UNC5B: variants seen among roughly 807,000 people sequenced by gnomAD.
The protein encoded by UNC5B is netrin receptor UNC5B.
In UNC5B, 56 loss-of-function variants were observed where a neutral mutation model predicts 103.7. That is an observed-to-expected ratio of 0.54 (90% CI 0.44 to 0.67). The LOEUF is 0.67. Ranked by LOEUF, UNC5B falls within the 30% of genes least tolerant of loss-of-function variation. UNC5B has a pLI of 0.00. For missense variants in UNC5B, 1,194 were observed against 1,284.5 expected (o/e 0.93, Z 1.08); for synonymous variants, 577 against 542.0 (o/e 1.06, Z -0.90).
intron 6 of UNC5B, 79 bp from the exon 7 acceptor site, chr10:71,288,489 C>A: frequency 1.3e-6 from 2 of 1,531,912 alleles, no homozygotes; most frequent in South Asian, 2.5e-5. Context: ...TGTGTTGGCA[C>A]ATTGCTCTGT....
rs1348914729 is a variant in UNC5B at position 71,300,132 on chromosome 10, T to C, written c.*855T>C. ...TACTTTGCTGCTAACGAATCCATCT[T>C]GGACTAAATTCTGACAAGGCCTCAG... On this transcript the variant is annotated 3_prime_UTR_variant, in exon 17 of 17. Coordinates refer to ENST00000335350, the MANE Select transcript of UNC5B (RefSeq NM_170744.5). 6.6e-6 allele frequency: 1 copy of C among 152,048 alleles called. No homozygotes were observed. The highest frequency in any genetic ancestry group is 1.9e-4 in the East Asian group (1 of 5,188). 9.4% of individuals were successfully genotyped at this position (152,048 alleles called of 1,614,324 possible). A position where few individuals can be genotyped will look rare whatever the true frequency, so the allele number is the denominator to read the frequency against.
chr10:71,228,388 A>G (rs1158937145), intron 1 of UNC5B, among the ~76,000 whole-genome samples: 1 of 141,686 alleles, frequency 7.1e-6, no homozygotes, highest in African/African-American at 2.5e-5. Flanking sequence ...TTTCGACAAA[A>G]AAAAAAATCA....
chr10:71,287,791 C>G, intron 6 of UNC5B, 26 bp downstream of exon 6: 1 of 1,602,952 alleles, frequency 6.2e-7, no homozygotes, highest in South Asian at 1.1e-5. Flanking sequence ...CATGTCCAGC[C>G]CCACCCCGAA....
chr10:71,253,175 C>G (rs934171907), intron 1 of UNC5B, among the ~76,000 whole-genome samples: 1 of 129,840 alleles, frequency 7.7e-6, no homozygotes, highest in African/African-American at 2.8e-5. Flanking sequence ...TTCCTTGCTG[C>G]AGACTCCAAC....
chr10:71,220,941 T>C (rs1756692733), intron 1 of UNC5B, among the ~76,000 whole-genome samples: 1 of 152,218 alleles, frequency 6.6e-6, no homozygotes, highest in Non-Finnish European at 1.5e-5. Context: ...TTGGTTTCCC[T>C]TCCCATCTGT....
Position 71,291,503 on chromosome 10 carries a change from G to A in UNC5B, c.1366G>A (p.Val456Met), listed in dbSNP as rs536140852. The change falls in exon 10 of 17, where the codon GTG becomes ATG. Residue 456 changes from valine (V) to methionine (M), a missense_variant. Val to Met is a conservative substitution (Grantham distance 21). Transcript: ENST00000335350. ...TASAGIYRGP[V>M]YALQDSTDKI... ...CAGCGCCGGCATCTACCGCGGACCCGTGTATGCCCTGCAGGACTCCACCGA... is the reference window on the plus strand; with the variant it reads ...CAGCGCCGGCATCTACCGCGGACCCATGTATGCCCTGCAGGACTCCACCGA... 38 of 1,614,060 alleles carry A rather than the reference G, an allele frequency of 2.4e-5. No homozygotes were observed. The highest frequency in any genetic ancestry group is 6.7e-5 in the East Asian group (3 of 44,874).
rs745537665 is a variant in UNC5B, at chr10:71,293,858, C to T, written c.2100C>T (p.Phe700=). Residue 700 remains phenylalanine, a synonymous_variant, in exon 13 of 17, where the codon TTC becomes TTT. Coordinates refer to ENST00000335350, the MANE Select transcript of UNC5B (RefSeq NM_170744.5). ...SAVKRLQLAV[F]APALCTSLEY... ...TCAAGCGGCTCCAGCTGGCCGTCTT[C>T]GCCCCCGCCCTCTGCACCTCCCTGG... The T allele has an allele frequency of 5.6e-6, 9 of 1,609,264 alleles. No individual in the cohort carries two copies. The highest frequency in any genetic ancestry group is 5.5e-5 in the South Asian group (5 of 90,920).
At chr10:71,226,765 G>A (rs1746255833) in intron 1 of UNC5B, among the ~76,000 whole-genome samples, 1 of 152,156 alleles carries the variant, frequency 6.6e-6, no homozygotes, top group Non-Finnish European at 1.5e-5. Flanking sequence ...TTAATATCAT[G>A]TTCCATATTA....
rs1343236506 is a variant in UNC5B at position 71,300,815 on chromosome 10, T to C, written c.*1538T>C. ...TGGAGAAGGAGGCTGAGAAGCTGGTTTCCCAGCTCTGATCTCCACAGGCAC... is the reference window on the plus strand; with the variant it reads ...TGGAGAAGGAGGCTGAGAAGCTGGTCTCCCAGCTCTGATCTCCACAGGCAC... On this transcript the variant is annotated 3_prime_UTR_variant, in exon 17 of 17. Coordinates refer to ENST00000335350, the MANE Select transcript of UNC5B (RefSeq NM_170744.5). 1.3e-5 allele frequency: 2 copies of C among 152,278 alleles called. No individual in the cohort carries two copies. The highest frequency in any genetic ancestry group is 4.8e-5 in the African/African-American group (2 of 41,526). 9.4% of individuals were successfully genotyped at this position (152,278 alleles called of 1,614,324 possible). A position where few individuals can be genotyped will look rare whatever the true frequency, so the allele number is the denominator to read the frequency against.
rs189669577 is a variant in UNC5B, at chr10:71,216,609, A to G, written c.79+3545A>G. 5.4e-3 allele frequency among the ~76,000 whole-genome samples: 819 copies of G among 152,244 alleles called. 9 individuals are homozygous for G. Among genetic ancestry groups the G allele is most frequent in the African/African-American group, 0.018 (755 of 41,550 alleles). On this transcript the variant is annotated intron_variant, in intron 1 of 16. Coordinates refer to ENST00000335350, the MANE Select transcript of UNC5B (RefSeq NM_170744.5). The stretch of plus-strand genomic sequence containing the variant: ...CCATTTGTAGAGTTGGGGACAGAAT[A>G]TGTTTTTACTTTTTACTTATATTCA...
In UNC5B at chr10:71,213,728, AGTGTGTGTGTGT is replaced by A. The variant is rs58235566; in HGVS notation, c.79+687_79+698del. 7.6e-6 allele frequency among the ~76,000 whole-genome samples: 1 copy of A among 131,474 alleles called. No individual in the cohort carries two copies. Among genetic ancestry groups the A allele is most frequent in the Non-Finnish European group, 1.6e-5 (1 of 62,684 alleles). The allele number at this position is 131,474 out of a possible 152,430, so 86.3% of individuals were successfully genotyped here. On this transcript the variant is annotated intron_variant, in intron 1 of 16. Coordinates refer to ENST00000335350, the MANE Select transcript of UNC5B (RefSeq NM_170744.5). This position sits in a 1 kb window ranked among gnomAD's most constrained non-coding sequence, Gnocchi z 4.1. Reference sequence around the variant, plus strand: ...ATTATTAATTTTCTGAGTGTTGGAGAGTGTGTGTGTGTGTGTGTGTGTGTGTGTGTGTGTTGG... The same window carrying A: ...ATTATTAATTTTCTGAGTGTTGGAGAGTGTGTGTGTGTGTGTGTGTGTTGG...
intron 1 of UNC5B, among the ~76,000 whole-genome samples, chr10:71,261,808 T>C (rs1844421413): frequency 6.6e-6 from 1 of 152,106 alleles, no homozygotes; most frequent in Non-Finnish European, 1.5e-5. Context: ...GTTAGTAAAA[T>C]AGGGGTAATG....
chr10:71,220,751 G>A (rs1314289145), intron 1 of UNC5B, among the ~76,000 whole-genome samples: 1 of 152,208 alleles, frequency 6.6e-6, no homozygotes, highest in Admixed American at 6.5e-5. Context: ...TTGGCATGCA[G>A]CCTGCCCCGG....
intron 1 of UNC5B, among the ~76,000 whole-genome samples, chr10:71,223,014 T>G (rs1182003388): frequency 1.3e-5 from 2 of 152,112 alleles, no homozygotes; most frequent in African/African-American, 4.8e-5. Flanking sequence ...CAGAGCAGAG[T>G]GACATTCGGA....
At chr10:71,289,107 C>G (rs528739090) in intron 8 of UNC5B, 117 bp downstream of exon 8, 1 of 1,375,342 alleles carries the variant, frequency 7.3e-7, no homozygotes, top group Admixed American at 1.9e-5. Context: ...TACCCACCCC[C>G]CACGGGATCA....
At chr10:71,286,957 G>C in intron 5 of UNC5B, 88 bp downstream of exon 5, 3 of 1,520,242 alleles carry the variant, frequency 2.0e-6, no homozygotes, top group Non-Finnish European at 2.7e-6. Context: ...GGATTGGTAG[G>C]GAGGATGCAG....
intron 1 of UNC5B, among the ~76,000 whole-genome samples, chr10:71,263,508 G>T (rs759232913): frequency 6.6e-6 from 1 of 152,146 alleles, no homozygotes; most frequent in Non-Finnish European, 1.5e-5. Flanking sequence ...AGAGCCACCC[G>T]GAAGCAGACA....
chr10:71,287,541 G>C (rs1333370364), intron 5 of UNC5B, 57 bp from the exon 6 acceptor site: 1 of 1,529,794 alleles, frequency 6.5e-7, no homozygotes. Flanking sequence ...GACGGGTTTG[G>C]GGGAGGGCAG....
At chr10:71,241,645 G>A (rs1009579291) in intron 1 of UNC5B, among the ~76,000 whole-genome samples, 17 of 151,978 alleles carry the variant, frequency 1.1e-4, no homozygotes, top group African/African-American at 2.9e-4. Flanking sequence ...CTGGCACCAC[G>A]ACAGAAGGCC....
Sources: allele counts gnomAD v4.1 joint callset (sites outside exome capture counted in the v4.1 genomes callset), GRCh38; gene constraint gnomAD v4.1.1; non-coding constraint Gnocchi (gnomAD v3.1); transcripts MANE v1.5; gene names NCBI Gene and HGNC (gene_info 2026-07-23, HGNC 2026-07-21).